MYO16: variants seen among roughly 807,000 people sequenced by gnomAD.
MYO16 encodes the protein unconventional myosin-XVI.
A neutral mutation model predicts 205.3 loss-of-function variants in MYO16; 94 were observed. The ratio of observed to expected loss-of-function variants is 0.46; its 90% CI spans 0.39 to 0.54. The LOEUF (loss-of-function observed/expected upper bound fraction) is 0.54, where lower values mean the gene tolerates loss of function less well. Among genes scored for constraint, MYO16 ranks in the 20% least tolerant of loss-of-function variants. MYO16 has a pLI of 0.00. For missense variants in MYO16, 2,315 were observed against 2,387.5 expected (o/e 0.97, Z 0.63); for synonymous variants, 988 against 954.0 (o/e 1.04, Z -0.66).
chr13:108,986,134 C>T (rs868550707), intron 20 of MYO16, among the ~76,000 whole-genome samples: 19 of 152,070 alleles, frequency 1.2e-4, no homozygotes, highest in Middle Eastern at 3.2e-3. Context: ...ATGAGATTAT[C>T]GTGAGAAAAA....
chr13:108,633,421 C>A (rs1025133727), intron 1 of MYO16, among the ~76,000 whole-genome samples: 1 of 152,156 alleles, frequency 6.6e-6, no homozygotes. Flanking sequence ...AACTTGGAGT[C>A]TGATGTTCAA....
chr13:109,126,022 G>A (rs1480657767), intron 30 of MYO16, among the ~76,000 whole-genome samples: 1 of 152,208 alleles, frequency 6.6e-6, no homozygotes, highest in Non-Finnish European at 1.5e-5. Flanking sequence ...AAGAGGGAGG[G>A]CAAGGAGCTG....
intron 32 of MYO16, among the ~76,000 whole-genome samples, chr13:109,164,496 T>A (rs1337820418): frequency 1.3e-5 from 2 of 152,206 alleles, no homozygotes; most frequent in African/African-American, 4.8e-5. Context: ...CACTATAGTG[T>A]TTCTTATCAC....
At chr13:109,068,004 G>A (rs958802734) in intron 27 of MYO16, among the ~76,000 whole-genome samples, 23 of 152,230 alleles carry the variant, frequency 1.5e-4, no homozygotes, top group South Asian at 8.3e-4. Flanking sequence ...GATTTAAAAC[G>A]AATATATAAT....
chr13:108,951,473 A>C (rs545366048), intron 16 of MYO16, among the ~76,000 whole-genome samples: 1 of 152,186 alleles, frequency 6.6e-6, no homozygotes, highest in Non-Finnish European at 1.5e-5. Flanking sequence ...CAGGGCCTGT[A>C]TGTTCCCCAG....
In MYO16 at chr13:109,192,263, A is replaced by C. The variant is rs538983693; in HGVS notation, c.5415+12630A>C. On this transcript the variant is annotated intron_variant, in intron 34 of 34. Coordinates refer to ENST00000457511, the MANE Select transcript of MYO16 (RefSeq NM_001198950.3). ...AGCCTAGGTTTTGAAGCCCAAGTGG[A>C]TTTAAATTAATTTTATACACTTGCA... Among the ~76,000 whole-genome samples the C allele has an allele frequency of 2.0e-5, 3 of 152,340 alleles. No individual in the cohort carries two copies. In the East Asian group the frequency reaches 5.8e-4, roughly 29 times the overall value.
At chr13:109,185,407 A>G (rs7324262) in intron 34 of MYO16, among the ~76,000 whole-genome samples, 76,154 of 151,912 alleles carry the variant, frequency 0.5, 20,037 homozygotes, top group African/African-American at 0.64. Flanking sequence ...TTAAAAAAAA[A>G]AAAGCTAAAA....
At chr13:108,677,374 CATAT>C (rs1283876520) in intron 2 of MYO16, among the ~76,000 whole-genome samples, 8 of 114,028 alleles carry the variant, frequency 7.0e-5, no homozygotes, top group African/African-American at 2.4e-4. Context: ...TATATATATG[CATAT>C]ATATATACAG....
At chr13:108,937,903 G>A (rs143445868) in intron 16 of MYO16, among the ~76,000 whole-genome samples, 2 of 152,140 alleles carry the variant, frequency 1.3e-5, no homozygotes, top group South Asian at 4.1e-4. Flanking sequence ...TTTTGTTAGG[G>A]ACCATTGATG....
At chr13:108,572,109 T>A in the MYO16 span, among the ~76,000 whole-genome samples, 1 of 151,972 alleles carries the variant, frequency 6.6e-6, no homozygotes, top group Non-Finnish European at 1.5e-5. Context: ...ATATATATTG[T>A]AGAGTTGGGG....
intron 6 of MYO16, among the ~76,000 whole-genome samples, chr13:108,802,327 C>A (rs9521056): frequency 6.6e-6 from 1 of 151,980 alleles, no homozygotes; most frequent in Non-Finnish European, 1.5e-5. Context: ...CACTTAGAAG[C>A]GAGATCATGC....
rs967636963 is a variant in MYO16, at chr13:109,046,824, A to G, written c.2797-92A>G. 51 of 1,064,108 alleles carry G rather than the reference A, an allele frequency of 4.8e-5. No homozygotes were observed. The East Asian group carries it at 5.5e-4, about 11-fold the overall frequency. 65.9% of individuals were successfully genotyped at this position (1,064,108 alleles called of 1,614,324 possible). On this transcript the variant is annotated intron_variant, in intron 23 of 34. Transcript: ENST00000457511. ...AGACACTTCTTTTATGAATATTTGAAAACTTCAGCTGGGTCAAGTTATCCT... is the reference window on the plus strand; with the variant it reads ...AGACACTTCTTTTATGAATATTTGAGAACTTCAGCTGGGTCAAGTTATCCT...
intron 14 of MYO16, among the ~76,000 whole-genome samples, chr13:108,890,253 T>C (rs557758380): frequency 6.6e-6 from 1 of 152,138 alleles, no homozygotes; most frequent in Admixed American, 6.5e-5. Flanking sequence ...TAAGTTTCTC[T>C]ATTTCCAACA....
the MYO16 span, among the ~76,000 whole-genome samples, chr13:108,519,482 G>A: frequency 1.3e-5 from 2 of 151,596 alleles, no homozygotes; most frequent in African/African-American, 2.4e-5. Context: ...ACTGCATTTA[G>A]TGGTTCTGTT....
intron 34 of MYO16, among the ~76,000 whole-genome samples, chr13:109,182,061 G>T (rs1446033289): frequency 6.6e-6 from 1 of 151,918 alleles, no homozygotes; most frequent in African/African-American, 2.4e-5. Context: ...TCAGTGATCC[G>T]TCCGCCTCGG....
intron 2 of MYO16, among the ~76,000 whole-genome samples, chr13:108,683,916 G>T (rs565341529): frequency 2.6e-5 from 4 of 152,170 alleles, no homozygotes; most frequent in Admixed American, 2.6e-4. Context: ...TCGCTCTGTC[G>T]CCAGGCTGGA....
rs1880608893 is a variant in MYO16 at position 109,206,654 on chromosome 13, C to A, written c.5461C>A (p.Gln1821Lys). 2 of 1,614,088 alleles carry A rather than the reference C, an allele frequency of 1.2e-6. No individual in the cohort carries two copies. The highest frequency in any genetic ancestry group is 1.7e-6 in the Non-Finnish European group (2 of 1,179,958). Residue 1821 changes from glutamine (Q) to lysine (K), a missense_variant, in exon 35 of 35, where the codon CAG becomes AAG. Gln to Lys is a moderately conservative substitution (Grantham distance 53). Around this residue, in one of 3 missense-constraint regions of MYO16, gnomAD observed 1,097 missense variants for 1,092.0 expected, o/e 1.00. Coordinates refer to ENST00000457511, the MANE Select transcript of MYO16 (RefSeq NM_001198950.3). ...CTCAGAGAATGAAAGTGTGGCCCTG[C>A]AGGAACTCTTGGACTGGAGGAGAAA... is the stretch of plus-strand genomic sequence containing the variant. Reference protein sequence around the residue: ...RLSENESVALQELLDWRRKLC... With the variant: ...RLSENESVALKELLDWRRKLC...
intron 4 of MYO16, among the ~76,000 whole-genome samples, chr13:108,737,958 T>C (rs1158602568): frequency 6.6e-6 from 1 of 152,246 alleles, no homozygotes; most frequent in Non-Finnish European, 1.5e-5. Context: ...TGGTAGTTTG[T>C]ATTTCTGTGG....
intron 9 of MYO16, among the ~76,000 whole-genome samples, chr13:108,835,067 A>C (rs564015234): frequency 1.3e-5 from 2 of 149,104 alleles, no homozygotes; most frequent in South Asian, 4.3e-4. Context: ...ACTGCCTTTC[A>C]AAACAAGTAT....
Sources: allele counts gnomAD v4.1 joint callset (sites outside exome capture counted in the v4.1 genomes callset), GRCh38; gene constraint gnomAD v4.1.1; regional missense constraint gnomAD v4.1.1; transcripts MANE v1.5; gene names NCBI Gene and HGNC (gene_info 2026-07-23, HGNC 2026-07-21).